The following RREB1 variants were observed in gnomAD, a reference collection of about 807,000 sequenced individuals.
The protein encoded by RREB1 is ras-responsive element-binding protein 1.
Under a neutral mutation model 117.8 loss-of-function variants are expected in RREB1, and 27 were observed. The ratio of observed to expected loss-of-function variants is 0.23; its 90% CI spans 0.17 to 0.32. The LOEUF (loss-of-function observed/expected upper bound fraction) is 0.32, where lower values mean the gene tolerates loss of function less well. Among genes scored for constraint, RREB1 ranks in the 10% least tolerant of loss-of-function variants. The probability of loss-of-function intolerance (pLI) is 1.00; values close to 1 mark genes in which losing one functional copy is unlikely to be tolerated. For synonymous variants in RREB1, 1,298 were observed against 1,026.7 expected (o/e 1.26, Z -5.05); for missense variants, 2,577 against 2,378.2 (o/e 1.08, Z -1.74).
intron 1 of RREB1, among the ~76,000 whole-genome samples, chr6:7,149,448 A>G (rs1561745816): frequency 6.6e-6 from 1 of 152,194 alleles, no homozygotes; most frequent in Non-Finnish European, 1.5e-5. Flanking sequence ...GAGTGCCCTC[A>G]ACTAAGACTT....
chr6:7,248,846 G>C lies in RREB1; in HGVS notation c.5107G>C (p.Asp1703His), dbSNP rs764347062. 22 of 1,610,118 alleles carry C rather than the reference G, an allele frequency of 1.4e-5. No individual in the cohort carries two copies. The East Asian group carries it at 4.9e-4, about 36-fold the overall frequency. The change falls in exon 13 of 13, where the codon GAC becomes CAC. Residue 1703 changes from aspartate (D) to histidine (H), a missense_variant. By Grantham distance (81) the Asp-to-His change is moderately conservative. Transcript: ENST00000379938. Reference protein sequence around the residue: ...AGWPSEPGQGDLNPESPAALG... With the variant: ...AGWPSEPGQGHLNPESPAALG... ...GTGGCCGTCTGAGCCTGGCCAGGGT[G>C]ACCTTAACCCAGAGAGCCCGGCGGC... is the stretch of plus-strand genomic sequence containing the variant.
At chr6:7,190,144 T>A (rs1765326717) in intron 6 of RREB1, among the ~76,000 whole-genome samples, 2 of 152,364 alleles carry the variant, frequency 1.3e-5, no homozygotes, top group South Asian at 4.1e-4. Context: ...ACATGGGACA[T>A]ACTGATACAG....
At chr6:7,115,618 T>G (rs541590460) in intron 1 of RREB1, among the ~76,000 whole-genome samples, 7 of 152,196 alleles carry the variant, frequency 4.6e-5, no homozygotes, top group Non-Finnish European at 1.0e-4. Flanking sequence ...TGCAGCCACC[T>G]TTGCAGTCCC....
At chr6:7,143,851 CTTTTTTT>C (rs11365387) in intron 1 of RREB1, among the ~76,000 whole-genome samples, 2 of 89,382 alleles carry the variant, frequency 2.2e-5, no homozygotes, top group South Asian at 3.9e-4. Context: ...TTTTTTCTTT[CTTTTTTT>C]TTTTTTTTTT....
chr6:7,155,579 G>A (rs1763328243), intron 1 of RREB1, among the ~76,000 whole-genome samples: 1 of 152,274 alleles, frequency 6.6e-6, no homozygotes, highest in Non-Finnish European at 1.5e-5. Flanking sequence ...CCAAGGTGCT[G>A]GGATTACAGG....
At chr6:7,185,954 A>C (rs1213921046) in intron 4 of RREB1, among the ~76,000 whole-genome samples, 3 of 152,188 alleles carry the variant, frequency 2.0e-5, no homozygotes, top group African/African-American at 7.2e-5. Context: ...TGGGATCCAT[A>C]ATAATGCTTG....
Position 7,229,884 on chromosome 6 carries a change from G to T in RREB1, c.1785G>T (p.Gln595His), listed in dbSNP as rs1767819149. Reference protein sequence around the residue: ...ELPGQPEMKTQLEQDSIIEAL... With the variant: ...ELPGQPEMKTHLEQDSIIEAL... ...CGGGCCAGCCTGAGATGAAGACGCA[G>T]CTGGAGCAGGACAGCATCATCGAGG... The change falls in exon 10 of 13, where the codon CAG becomes CAT. Residue 595 changes from glutamine to histidine, a missense_variant. Gln to His is a conservative substitution (Grantham distance 24). Transcript: ENST00000379938. This position sits in a 1 kb window ranked among gnomAD's most constrained non-coding sequence, Gnocchi z 4.5. 1 of 1,610,526 alleles carries T rather than the reference G, an allele frequency of 6.2e-7. No homozygotes were observed.
At chr6:7,185,794 T>C (rs1321723818) in intron 4 of RREB1, among the ~76,000 whole-genome samples, 2 of 152,172 alleles carry the variant, frequency 1.3e-5, no homozygotes, top group Non-Finnish European at 2.9e-5. Context: ...GTTAATCCTT[T>C]TGGTCAGACT....
intron 11 of RREB1, among the ~76,000 whole-genome samples, chr6:7,241,400 C>T (rs936884635): frequency 3.3e-5 from 5 of 152,158 alleles, no homozygotes; most frequent in African/African-American, 9.7e-5. Context: ...TTAGATATCC[C>T]GCCAGTTGGC....
chr6:7,164,379 C>T (rs1763822456), intron 1 of RREB1, among the ~76,000 whole-genome samples: 1 of 152,098 alleles, frequency 6.6e-6, no homozygotes, highest in Non-Finnish European at 1.5e-5. Flanking sequence ...TTTCTCCTTT[C>T]CTTAATTGAT....
At chr6:7,164,478 C>G (rs1422897860) in intron 1 of RREB1, among the ~76,000 whole-genome samples, 3 of 152,204 alleles carry the variant, frequency 2.0e-5, no homozygotes, top group Non-Finnish European at 4.4e-5. Context: ...GCATTAACCT[C>G]ACATATGCTG....
intron 1 of RREB1, among the ~76,000 whole-genome samples, 200 bp from the exon 2 acceptor site, chr6:7,176,455 A>T (rs1470415195): frequency 1.3e-5 from 2 of 152,046 alleles, no homozygotes; most frequent in East Asian, 1.9e-4. Context: ...TTCAAGGCAC[A>T]CTCAGTTCCA....
intron 6 of RREB1, among the ~76,000 whole-genome samples, chr6:7,203,192 G>A (rs1394062671): frequency 6.6e-6 from 1 of 152,058 alleles, no homozygotes; most frequent in Non-Finnish European, 1.5e-5. Flanking sequence ...AGGAGAGGAG[G>A]AAGGAGCTGT....
rs1769369976 is a variant in RREB1, at chr6:7,250,680, T to C, written c.*1712T>C. On this transcript the variant is annotated 3_prime_UTR_variant, in exon 13 of 13. Transcript: ENST00000379938. ...CCAGTGCTCCTCCTTTACATAGACT[T>C]GTTCACACAGAAACGTGCACGCCCC... The C allele has an allele frequency of 1.3e-5, 2 of 152,128 alleles. No individual in the cohort carries two copies. Among genetic ancestry groups the C allele is most frequent in the Admixed American group, 1.3e-4 (2 of 15,280 alleles). 9.4% of individuals were successfully genotyped at this position (152,128 alleles called of 1,614,324 possible). A position where few individuals can be genotyped will look rare whatever the true frequency, so the allele number is the denominator to read the frequency against.
rs1171683988 is a variant in RREB1, at chr6:7,230,376, C to A, written c.2277C>A (p.Gly759=). The A allele has an allele frequency of 6.3e-7, 1 of 1,592,370 alleles. No individual in the cohort carries two copies. Among genetic ancestry groups the A allele is most frequent in the Non-Finnish European group, 8.5e-7 (1 of 1,174,244 alleles). ...CGGACACCGTGTGCCGGCTGTGCGG[C>A]GAGGACCTCAAGCACTATCGTGCCC... is the stretch of plus-strand genomic sequence containing the variant. ...CAPDTVCRLC[G]EDLKHYRALR... is the part of the protein sequence containing the mutation. The change falls in exon 10 of 13, where the codon GGC becomes GGA. Residue 759 remains glycine (G), a synonymous_variant. Coordinates refer to ENST00000379938, the MANE Select transcript of RREB1 (RefSeq NM_001003699.4).
At chr6:7,191,766 A>G (rs1180382843) in intron 6 of RREB1, among the ~76,000 whole-genome samples, 1 of 152,166 alleles carries the variant, frequency 6.6e-6, no homozygotes, top group Non-Finnish European at 1.5e-5. Context: ...TCAGTTGTTC[A>G]TGGCTAGTTA....
At chr6:7,131,030 T>C (rs979422097) in intron 1 of RREB1, among the ~76,000 whole-genome samples, 6 of 141,820 alleles carry the variant, frequency 4.2e-5, no homozygotes, top group South Asian at 2.4e-4. Flanking sequence ...GCTCCGCCTC[T>C]CGGGTTCACA....
chr6:7,110,886 C>CT (rs1412041138), intron 1 of RREB1, among the ~76,000 whole-genome samples: 1 of 152,126 alleles, frequency 6.6e-6, no homozygotes, highest in Non-Finnish European at 1.5e-5. Flanking sequence ...CTAGATACTG[C>CT]TTTATTTCTC....
At chr6:7,216,588 A>C (rs1034118273) in intron 8 of RREB1, 3 of 152,252 alleles carry the variant, frequency 2.0e-5, no homozygotes, top group Non-Finnish European at 2.9e-5. Context: ...CCACTGTTCC[A>C]AGGAATGTTT....
Sources: allele counts gnomAD v4.1 joint callset (sites outside exome capture counted in the v4.1 genomes callset), GRCh38; gene constraint gnomAD v4.1.1; non-coding constraint Gnocchi (gnomAD v3.1); transcripts MANE v1.5; gene names NCBI Gene and HGNC (gene_info 2026-07-23, HGNC 2026-07-21).